Variants in LMAN2L observed in about 807,000 individuals in gnomAD.
LMAN2L encodes the protein lectin, mannose binding 2 like.
In LMAN2L, 30 loss-of-function variants were observed where a neutral mutation model predicts 44.3. That is an observed-to-expected ratio of 0.68 (90% confidence interval 0.51 to 0.92). LMAN2L has a LOEUF of 0.92. Ranked by LOEUF, LMAN2L falls within the 40% of genes least tolerant of loss-of-function variation. LMAN2L has a pLI of 0.00. For missense variants in LMAN2L, 429 were observed against 446.1 expected, an observed-to-expected ratio of 0.96 and a Z score of 0.35; for synonymous variants, 183 against 171.1, an observed-to-expected ratio of 1.07 and a Z score of -0.54.
Position 96,738,031 on chromosome 2 carries a change from A to G in LMAN2L, c.224T>C (p.Met75Thr), listed in dbSNP as rs1418349043. ...GTGSSSLWNL[M>T]GNAMVMTQYI... ...CTGGGTCATCACCATGGCATTGCCC[A>G]TCAGATTCCACAGTGAGGAACTGCC... Residue 75 changes from methionine to threonine, a missense_variant, in exon 2 of 8, where the codon ATG becomes ACG. Physicochemically the swap from Met to Thr is moderately conservative, Grantham distance 81 (BLOSUM62 -1). Transcript: ENST00000264963. 6.2e-7 allele frequency: 1 copy of G among 1,614,140 alleles called. No individual in the cohort carries two copies. The highest frequency in any genetic ancestry group is 1.7e-5 in the Admixed American group (1 of 60,028).
intron 4 of LMAN2L, among the ~76,000 whole-genome samples, chr2:96,718,593 C>T (rs936154553): frequency 3.9e-5 from 6 of 152,144 alleles, no homozygotes; most frequent in Admixed American, 1.3e-4. Flanking sequence ...GGATCACTAG[C>T]GGAACACACT....
Position 96,711,664 on chromosome 2 carries a change from T to A in LMAN2L, c.776A>T (p.Asp259Val), listed in dbSNP as rs2077918865. The A allele has an allele frequency of 1.2e-6, 2 of 1,611,602 alleles. No individual in the cohort carries two copies. The highest frequency in any genetic ancestry group is 1.7e-6 in the Non-Finnish European group (2 of 1,178,280). Residue 259 changes from aspartate to valine, a missense_variant, in exon 6 of 8, where the codon GAT becomes GTT. By Grantham distance (152) the Asp-to-Val change is radical. Transcript: ENST00000264963. ...YYFGTSSITG[D>V]LSDNHDVISL... Reference sequence around the variant, plus strand: ...AGTGCGCGTGGCAGTACCTGAGAGATCCCCAGTGATGGAGGAGGTGCCGAA... The same window carrying A: ...AGTGCGCGTGGCAGTACCTGAGAGAACCCCAGTGATGGAGGAGGTGCCGAA...
At chr2:96,722,571 T>C (rs1247588331) in intron 4 of LMAN2L, among the ~76,000 whole-genome samples, 1 of 152,128 alleles carries the variant, frequency 6.6e-6, no homozygotes, top group Non-Finnish European at 1.5e-5. Flanking sequence ...CAGCTGTAAA[T>C]ACAGATAATG....
rs1219631626 is a variant in LMAN2L, at chr2:96,707,742, G to A, written c.876C>T (p.Pro292=). ...CAGGCAGCTTCATATTGTCCACTGAGGGCAAGAACACATCTCGATGGAGCT... is the reference window on the plus strand; with the variant it reads ...CAGGCAGCTTCATATTGTCCACTGAAGGCAAGAACACATCTCGATGGAGCT... ...EEKLHRDVFL[P]SVDNMKLPEM... The change falls in exon 7 of 8, where the codon CCC becomes CCT. Residue 292 remains proline (P), a synonymous_variant. Transcript: ENST00000264963. 1.2e-6 allele frequency: 2 copies of A among 1,613,994 alleles called. No homozygotes were observed. Among genetic ancestry groups the A allele is most frequent in the African/African-American group, 1.3e-5 (1 of 74,910 alleles).
chr2:96,713,509 C>A lies in LMAN2L; in HGVS notation c.508-1484G>T, dbSNP rs2077973421. On this transcript the variant is annotated intron_variant, in intron 4 of 7. Transcript: ENST00000264963. ...CTGTCCAGGCACGCCGCACTTATGT[C>A]TCTGGGAGTCAGTCTCAAGTTTGTC... Among the ~76,000 whole-genome samples, 4 of 152,182 alleles carry A rather than the reference C, an allele frequency of 2.6e-5. No homozygotes were observed. In the South Asian group the frequency reaches 8.3e-4, roughly 32 times the overall value.
chr2:96,719,318 G>A (rs1055110034), intron 4 of LMAN2L, among the ~76,000 whole-genome samples: 2 of 152,024 alleles, frequency 1.3e-5, no homozygotes, highest in Admixed American at 6.5e-5. Flanking sequence ...ACTAACCCAG[G>A]AATAAGCATC....
chr2:96,707,175 C>T lies in LMAN2L; in HGVS notation c.*81G>A. On this transcript the variant is annotated 3_prime_UTR_variant, in exon 8 of 8. Transcript: ENST00000264963. ...CAGCTGCTAGAGACAAGAACACTCT[C>T]CAGGCTGCATGCTCAGGCCAGTGCC... The T allele has an allele frequency of 7.2e-7, 1 of 1,385,688 alleles. No individual in the cohort carries two copies. Among genetic ancestry groups the T allele is most frequent in the Non-Finnish European group, 1.0e-6 (1 of 999,296 alleles). 85.8% of individuals were successfully genotyped at this position (1,385,688 alleles called of 1,614,324 possible).
intron 4 of LMAN2L, among the ~76,000 whole-genome samples, chr2:96,721,427 G>A (rs1249033999): frequency 6.6e-6 from 1 of 150,480 alleles, no homozygotes; most frequent in Non-Finnish European, 1.5e-5. Context: ...CGAGGTCCTG[G>A]GCTCAAGTGA....
At chr2:96,720,022 CA>C (rs1452461654) in intron 4 of LMAN2L, among the ~76,000 whole-genome samples, 1 of 151,334 alleles carries the variant, frequency 6.6e-6, no homozygotes, top group Non-Finnish European at 1.5e-5. Flanking sequence ...ATGCAAGACT[CA>C]GTCTCAAAAG....
At chr2:96,723,242 C>T (rs1423233308) in intron 4 of LMAN2L, among the ~76,000 whole-genome samples, 2 of 152,146 alleles carry the variant, frequency 1.3e-5, no homozygotes, top group Non-Finnish European at 2.9e-5. Context: ...GCCATTCTAG[C>T]GGGTGTAAAG....
At chr2:96,730,390 A>G (rs933890663) in intron 4 of LMAN2L, among the ~76,000 whole-genome samples, 4 of 152,076 alleles carry the variant, frequency 2.6e-5, no homozygotes, top group Admixed American at 1.3e-4. Context: ...CAGGAACACA[A>G]TCCTTCAGAA....
Position 96,707,217 on chromosome 2 carries a change from C to G in LMAN2L, c.*39G>C. ...GCCAGTGCCTGCTCCTTCCATACCT[C>G]ATGGGTGACAGTCACAAAAGTGGTG... On this transcript the variant is annotated 3_prime_UTR_variant, in exon 8 of 8. Transcript: ENST00000264963. The G allele has an allele frequency of 6.2e-7, 1 of 1,606,550 alleles. No homozygotes were observed. Among genetic ancestry groups the G allele is most frequent in the Non-Finnish European group, 8.5e-7 (1 of 1,174,662 alleles).
intron 4 of LMAN2L, among the ~76,000 whole-genome samples, chr2:96,719,851 G>A (rs2078114724): frequency 6.6e-6 from 1 of 152,110 alleles, no homozygotes; most frequent in Non-Finnish European, 1.5e-5. Flanking sequence ...ATAGGCATTG[G>A]CCACTGCACC....
At chr2:96,726,697 T>G (rs1422074915) in intron 4 of LMAN2L, among the ~76,000 whole-genome samples, 1 of 151,938 alleles carries the variant, frequency 6.6e-6, no homozygotes, top group Non-Finnish European at 1.5e-5. Flanking sequence ...GGCAGGAGAA[T>G]TGCTTGAACC....
chr2:96,737,883 G>C (rs2078548765), intron 2 of LMAN2L, 66 bp downstream of exon 2: 2 of 883,534 alleles, frequency 2.3e-6, no homozygotes, highest in Admixed American at 1.8e-5. Context: ...AATTAAATCA[G>C]TATGCCACTG....
intron 4 of LMAN2L, among the ~76,000 whole-genome samples, chr2:96,723,414 T>C (rs1235375274): frequency 2.0e-5 from 3 of 152,246 alleles, no homozygotes; most frequent in Non-Finnish European, 4.4e-5. Flanking sequence ...GTAATAGTTC[T>C]TTACGTTTCA....
intron 4 of LMAN2L, among the ~76,000 whole-genome samples, chr2:96,721,326 CTT>C (rs56023035): frequency 0.024 from 2,069 of 84,586 alleles, 27 homozygotes; most frequent in African/African-American, 0.096. Flanking sequence ...TTCTTTCAGT[CTT>C]TTTTTTTTTT....
intron 4 of LMAN2L, among the ~76,000 whole-genome samples, chr2:96,717,541 A>T (rs2078064647): frequency 6.6e-6 from 1 of 151,478 alleles, no homozygotes; most frequent in South Asian, 2.1e-4. Context: ...CGGAAAAAAA[A>T]AAAAAAAAAA....
intron 5 of LMAN2L, 40 bp from the exon 6 acceptor site, chr2:96,711,810 G>A (rs1430482044): frequency 1.6e-5 from 26 of 1,612,744 alleles, no homozygotes; most frequent in Non-Finnish European, 2.2e-5. Context: ...CAGGCCATGG[G>A]AGCAAGAGCG....
Sources: allele counts gnomAD v4.1 joint callset (sites outside exome capture counted in the v4.1 genomes callset), GRCh38; gene constraint gnomAD v4.1.1; transcripts MANE v1.5; gene names NCBI Gene and HGNC (gene_info 2026-07-23, HGNC 2026-07-21).